UGT1A9: variants seen among roughly 807,000 people sequenced by gnomAD.
The protein encoded by UGT1A9 is UDP glucuronosyltransferase family 1 member A9, also known as UDP-glucuronosyltransferase 1A9.
A neutral mutation model predicts 45.0 loss-of-function variants in UGT1A9; 35 were observed. The observed-to-expected ratio is 0.78, with a 90% CI of 0.59 to 1.03. UGT1A9 has a LOEUF of 1.03. Ranked by LOEUF, UGT1A9 falls within the 50% of genes least tolerant of loss-of-function variation. UGT1A9 has a pLI of 0.00. For missense variants in UGT1A9, 687 were observed against 666.6 expected, an observed-to-expected ratio of 1.03 and a Z score of -0.34; for synonymous variants, 278 against 250.6, an observed-to-expected ratio of 1.11 and a Z score of -1.03.
At chr2:233,687,583 T>G in intron 1 of UGT1A9, among the ~76,000 whole-genome samples, 1 of 107,470 alleles carries the variant, frequency 9.3e-6, no homozygotes. Flanking sequence ...ACATTCTTTG[T>G]AAAAAAAAAA....
intron 1 of UGT1A9, among the ~76,000 whole-genome samples, chr2:233,686,310 C>G (rs2074783294): frequency 6.6e-6 from 1 of 151,772 alleles, no homozygotes; most frequent in African/African-American, 2.4e-5. Flanking sequence ...AGAGATAAAT[C>G]TGACTTTATC....
intron 1 of UGT1A9, among the ~76,000 whole-genome samples, chr2:233,731,010 G>A (rs17868337): frequency 0.016 from 2,364 of 152,256 alleles, 27 homozygotes; most frequent in Admixed American, 0.024. Flanking sequence ...CATGTACATC[G>A]TGAGAGAATC....
Position 233,767,161 on chromosome 2 carries a change from A to G in UGT1A9, c.983A>G (p.Gln328Arg), listed in dbSNP as rs72551348. The change falls in exon 2 of 5, where the codon CAG becomes CGG. Residue 328 changes from glutamine (Q) to arginine (R), a missense_variant. Physicochemically the swap from Gln to Arg is conservative, Grantham distance 43. Coordinates refer to ENST00000354728, the MANE Select transcript of UGT1A9 (RefSeq NM_021027.3). Reference sequence around the variant, plus strand: ...GCTGATGCTTTGGGCAAAATCCCTCAGACAGTAAGAAGATTCTATACCATG... The same window carrying G: ...GCTGATGCTTTGGGCAAAATCCCTCGGACAGTAAGAAGATTCTATACCATG... ...AIADALGKIP[Q>R]TVLWRYTGTR... is the part of the protein sequence containing the mutation. 60 of 1,614,012 alleles carry G rather than the reference A, an allele frequency of 3.7e-5. No individual in the cohort carries two copies. The highest frequency in any genetic ancestry group is 4.7e-5 in the Non-Finnish European group (55 of 1,180,018).
At chr2:233,695,133 T>TC (rs71058573) in intron 1 of UGT1A9, among the ~76,000 whole-genome samples, 10 of 145,970 alleles carry the variant, frequency 6.9e-5, no homozygotes, top group African/African-American at 1.5e-4. Flanking sequence ...TTCTTTTCTT[T>TC]TTTTTTTTTT....
intron 1 of UGT1A9, among the ~76,000 whole-genome samples, chr2:233,758,729 C>T (rs1001839617): frequency 6.6e-6 from 1 of 152,208 alleles, no homozygotes; most frequent in African/African-American, 2.4e-5. Context: ...CCTCTAAGCA[C>T]ATCCCCAAGT....
chr2:233,747,102 A>G, intron 1 of UGT1A9: 2 of 1,361,188 alleles, frequency 1.5e-6, no homozygotes, highest in African/African-American at 2.9e-5. Context: ...CTATCTTCCA[A>G]TTACATGATG....
intron 1 of UGT1A9, chr2:233,742,951 A>G (rs1692147451): frequency 4.7e-6 from 1 of 213,770 alleles, no homozygotes; most frequent in East Asian, 1.2e-4. Flanking sequence ...ACTAGCAAAT[A>G]ATCATTGTCT....
intron 1 of UGT1A9, among the ~76,000 whole-genome samples, chr2:233,723,070 TATC>T (rs1029287051): frequency 2.8e-5 from 4 of 141,500 alleles, no homozygotes; most frequent in Admixed American, 7.2e-5. Context: ...TATGGAAATA[TATC>T]ATCATTTTTG....
Position 233,672,331 on chromosome 2 carries a change from T to A in UGT1A9, c.397T>A (p.Leu133Ile), listed in dbSNP as rs762982966. 1 of 1,614,024 alleles carries A rather than the reference T, an allele frequency of 6.2e-7. No homozygotes were observed. The highest frequency in any genetic ancestry group is 1.3e-5 in the African/African-American group (1 of 74,926). ...NCRSLFKDKKLVEYLKESSFD... is the reference protein window; with the variant it reads ...NCRSLFKDKKIVEYLKESSFD... ...CAGGAGTTTGTTTAAAGACAAAAAA[T>A]TAGTAGAATACTTAAAGGAGAGTTC... The change falls in exon 1 of 5, where the codon TTA becomes ATA. Residue 133 changes from leucine to isoleucine, a missense_variant. Leu to Ile is a conservative substitution (Grantham distance 5, BLOSUM62 2). Coordinates refer to ENST00000354728, the MANE Select transcript of UGT1A9 (RefSeq NM_021027.3).
intron 1 of UGT1A9, among the ~76,000 whole-genome samples, chr2:233,710,642 A>G (rs1302570147): frequency 6.6e-6 from 1 of 152,158 alleles, no homozygotes; most frequent in Non-Finnish European, 1.5e-5. Context: ...TTCTTTACAT[A>G]TTCTGGATAC....
At chr2:233,673,162 A>G (rs924288300) in intron 1 of UGT1A9, among the ~76,000 whole-genome samples, 6 of 152,208 alleles carry the variant, frequency 3.9e-5, no homozygotes, top group African/African-American at 9.6e-5. Flanking sequence ...TTAAAAAAGT[A>G]CTTTAGGTAT....
intron 1 of UGT1A9, among the ~76,000 whole-genome samples, chr2:233,698,662 T>C (rs921935371): frequency 1.3e-5 from 2 of 152,238 alleles, no homozygotes; most frequent in Non-Finnish European, 2.9e-5. Flanking sequence ...TAGGTAACTA[T>C]TGGCCCAACT....
At chr2:233,713,300 A>T in intron 1 of UGT1A9, 1 of 1,614,272 alleles carries the variant, frequency 6.2e-7, no homozygotes, top group Non-Finnish European at 8.5e-7. Context: ...TCTTTGAAAC[A>T]GAACATCTTC....
intron 1 of UGT1A9, among the ~76,000 whole-genome samples, chr2:233,698,139 C>A (rs1179532977): frequency 6.6e-6 from 1 of 152,188 alleles, no homozygotes; most frequent in South Asian, 2.1e-4. Context: ...TGTGTCTCAA[C>A]TGTATTCCCA....
chr2:233,729,943 A>G (rs2077957237), intron 1 of UGT1A9: 2 of 1,613,936 alleles, frequency 1.2e-6, no homozygotes, highest in Admixed American at 1.7e-5. Context: ...CATGCCCAAC[A>G]TGGTCTTCAT....
chr2:233,744,013 C>G, intron 1 of UGT1A9: 1 of 1,057,576 alleles, frequency 9.5e-7, no homozygotes. Flanking sequence ...ACCTGGGCCG[C>G]CTGGAGAGAC....
At chr2:233,732,983 C>T (rs930118681) in intron 1 of UGT1A9, among the ~76,000 whole-genome samples, 9 of 152,090 alleles carry the variant, frequency 5.9e-5, no homozygotes, top group South Asian at 2.1e-4. Flanking sequence ...TCTTTTATTT[C>T]GTTGAGCAGT....
chr2:233,698,206 T>C (rs1373729225), intron 1 of UGT1A9, among the ~76,000 whole-genome samples: 1 of 152,228 alleles, frequency 6.6e-6, no homozygotes. Context: ...ACATGCACTT[T>C]TAATTATTAG....
intron 3 of UGT1A9, 134 bp from the exon 4 acceptor site, chr2:233,768,086 A>T: frequency 1.3e-6 from 2 of 1,591,428 alleles, no homozygotes; most frequent in Non-Finnish European, 8.6e-7. Flanking sequence ...ATCTCAACCC[A>T]CATTTTCTTC....
Sources: allele counts gnomAD v4.1 joint callset (sites outside exome capture counted in the v4.1 genomes callset), GRCh38; gene constraint gnomAD v4.1.1; transcripts MANE v1.5; gene names NCBI Gene and HGNC (gene_info 2026-07-23, HGNC 2026-07-21).